ELMO1: variants seen among roughly 807,000 people sequenced by gnomAD.
ELMO1 encodes engulfment and cell motility protein 1.
In ELMO1, 26 loss-of-function variants were observed where a neutral mutation model predicts 98.9. The ratio of observed to expected loss-of-function variants is 0.26; its 90% CI spans 0.19 to 0.36. ELMO1 has a LOEUF of 0.36. Ranked by LOEUF, ELMO1 falls within the 10% of genes least tolerant of loss-of-function variation. ELMO1 has a pLI of 1.00. For synonymous variants in ELMO1, 346 were observed against 346.0 expected (o/e 1.00, Z 0.00); for missense variants, 627 against 935.2 (o/e 0.67, Z 4.30).
At chr7:36,953,841 G>C (rs1382296857) in intron 16 of ELMO1, among the ~76,000 whole-genome samples, 1 of 4,006 alleles carries the variant, frequency 2.5e-4, no homozygotes, top group Admixed American at 3.4e-3. Flanking sequence ...GGTATGTTTT[G>C]TGTGTGTGTG....
At chr7:37,437,661 C>T (rs1288517485) in intron 1 of ELMO1, among the ~76,000 whole-genome samples, 3 of 151,910 alleles carry the variant, frequency 2.0e-5, no homozygotes, top group Non-Finnish European at 4.4e-5. Flanking sequence ...AAAATCCCCT[C>T]TTTTAGCTGT....
intron 18 of ELMO1, among the ~76,000 whole-genome samples, chr7:36,880,168 G>A (rs1195906101): frequency 6.6e-6 from 1 of 152,170 alleles, no homozygotes; most frequent in African/African-American, 2.4e-5. Flanking sequence ...CTGTGTGAGC[G>A]ACTAAAGGGT....
intron 16 of ELMO1, among the ~76,000 whole-genome samples, chr7:36,988,546 T>G (rs959892665): frequency 6.6e-6 from 1 of 152,212 alleles, no homozygotes; most frequent in Non-Finnish European, 1.5e-5. Flanking sequence ...AACTGTGATA[T>G]GGAGTATAAA....
At chr7:36,922,793 C>T (rs1228597894) in intron 16 of ELMO1, among the ~76,000 whole-genome samples, 4 of 152,196 alleles carry the variant, frequency 2.6e-5, no homozygotes, top group African/African-American at 4.8e-5. Context: ...CTTTCATATT[C>T]GTCTTTCATG....
At chr7:37,144,720 G>C (rs1298975392) in intron 13 of ELMO1, among the ~76,000 whole-genome samples, 3 of 152,086 alleles carry the variant, frequency 2.0e-5, no homozygotes, top group African/African-American at 7.2e-5. Context: ...CAAAACACCA[G>C]AGTTTTTTCA....
chr7:37,317,350 G>A (rs767932304), intron 2 of ELMO1, among the ~76,000 whole-genome samples: 1 of 152,102 alleles, frequency 6.6e-6, no homozygotes, highest in Non-Finnish European at 1.5e-5. Context: ...GTCTGTCTTC[G>A]CCTACAACTA....
intron 14 of ELMO1, among the ~76,000 whole-genome samples, chr7:37,115,913 A>G (rs187095357): frequency 8.6e-4 from 131 of 152,332 alleles, no homozygotes; most frequent in Admixed American, 3.1e-3. Context: ...TGGCTTATCA[A>G]TTGTAACAAA....
At chr7:37,219,312 G>A (rs1453576520) in intron 10 of ELMO1, among the ~76,000 whole-genome samples, 1 of 152,178 alleles carries the variant, frequency 6.6e-6, no homozygotes, top group African/African-American at 2.4e-5. Flanking sequence ...AGTAACAGCA[G>A]AAATAAGGTA....
rs1273755119 is a variant in ELMO1 at position 37,342,079 on chromosome 7, C to G, written c.78+534G>C. The stretch of plus-strand genomic sequence containing the variant: ...TGTTGAGTATTTACTACATGGCAGA[C>G]AATATGCTAGACACATTGTGAATTT... On this transcript the variant is annotated intron_variant, in intron 2 of 21. Coordinates refer to ENST00000310758, the MANE Select transcript of ELMO1 (RefSeq NM_014800.11). This position sits in a 1 kb window ranked among gnomAD's most constrained non-coding sequence, Gnocchi z 4.3. Among the ~76,000 whole-genome samples, 1 of 152,058 alleles carries G rather than the reference C, an allele frequency of 6.6e-6. No homozygotes were observed. The highest frequency in any genetic ancestry group is 1.5e-5 in the Non-Finnish European group (1 of 68,014).
At chr7:37,236,899 C>G (rs1400565732) in intron 7 of ELMO1, among the ~76,000 whole-genome samples, 1 of 152,192 alleles carries the variant, frequency 6.6e-6, no homozygotes, top group Non-Finnish European at 1.5e-5. Context: ...CAAGTTCTAC[C>G]TCTGAAATCA....
intron 18 of ELMO1, among the ~76,000 whole-genome samples, chr7:36,879,240 G>C (rs577483826): frequency 6.6e-6 from 1 of 152,144 alleles, no homozygotes; most frequent in Admixed American, 6.5e-5. Flanking sequence ...CCAATCTCTT[G>C]GCACAGTGTC....
chr7:37,141,316 A>G (rs1787624695), intron 13 of ELMO1, among the ~76,000 whole-genome samples: 1 of 152,312 alleles, frequency 6.6e-6, no homozygotes, highest in South Asian at 2.1e-4. Context: ...GTTCTCACTC[A>G]TGTGGGAGCT....
chr7:37,013,639 C>G, intron 15 of ELMO1: 1 of 558,894 alleles, frequency 1.8e-6, no homozygotes, highest in Non-Finnish European at 3.2e-6. Context: ...TCAGACCTAG[C>G]CTTAGACACA....
chr7:36,931,533 G>A (rs1461457876), intron 16 of ELMO1, among the ~76,000 whole-genome samples: 6 of 152,164 alleles, frequency 3.9e-5, no homozygotes, highest in African/African-American at 4.8e-5. Flanking sequence ...CCCGGGAGGC[G>A]GAGGTTGCAG....
chr7:36,914,760 C>T (rs1366745729), intron 16 of ELMO1, among the ~76,000 whole-genome samples: 1 of 152,104 alleles, frequency 6.6e-6, no homozygotes, highest in Admixed American at 6.5e-5. Flanking sequence ...GATCTGCCCG[C>T]CTCGGCCTCC....
At chr7:37,202,774 G>T (rs1427228764) in intron 13 of ELMO1, among the ~76,000 whole-genome samples, 1 of 152,148 alleles carries the variant, frequency 6.6e-6, no homozygotes, top group Non-Finnish European at 1.5e-5. Flanking sequence ...AGAATATGGG[G>T]CCAGGCCATA....
chr7:36,931,421 G>A (rs780657708), intron 16 of ELMO1, among the ~76,000 whole-genome samples: 13 of 152,216 alleles, frequency 8.5e-5, no homozygotes, highest in Non-Finnish European at 1.8e-4. Context: ...CCAACATGGT[G>A]AAACCCTGTC....
At chr7:37,388,164 A>G (rs559692310) in intron 1 of ELMO1, among the ~76,000 whole-genome samples, 81 of 152,266 alleles carry the variant, frequency 5.3e-4, no homozygotes, top group African/African-American at 1.9e-3. Flanking sequence ...TTGAGAAACA[A>G]TGCCTTAAAA....
At chr7:37,419,191 T>A (rs1189479502) in intron 1 of ELMO1, among the ~76,000 whole-genome samples, 1 of 152,150 alleles carries the variant, frequency 6.6e-6, no homozygotes, top group African/African-American at 2.4e-5. Context: ...GTTTCCAAGC[T>A]CGGAGAAAAC....
Sources: allele counts gnomAD v4.1 joint callset (sites outside exome capture counted in the v4.1 genomes callset), GRCh38; gene constraint gnomAD v4.1.1; non-coding constraint Gnocchi (gnomAD v3.1); transcripts MANE v1.5; gene names NCBI Gene and HGNC (gene_info 2026-07-23, HGNC 2026-07-21).